LOXHD1: variants seen among roughly 807,000 people sequenced by gnomAD.
The protein encoded by LOXHD1 is lipoxygenase homology domain-containing protein 1.
Under a neutral mutation model 248.2 loss-of-function variants are expected in LOXHD1, and 205 were observed. That is an observed-to-expected ratio of 0.83 (90% CI 0.74 to 0.93). LOXHD1 has a LOEUF of 0.93. LOXHD1 is among the 40% of genes least tolerant of loss of function. The pLI is 0.00. For missense variants in LOXHD1, 2,930 were observed against 2,971.6 expected (o/e 0.99, Z 0.33); for synonymous variants, 1,113 against 1,162.8 (o/e 0.96, Z 0.87).
At chr18:46,513,383 A>G in intron 34 of LOXHD1, among the ~76,000 whole-genome samples, 1 of 152,216 alleles carries the variant, frequency 6.6e-6, no homozygotes, top group East Asian at 1.9e-4. Flanking sequence ...CTGTATGGTA[A>G]AAAGAAAAGG....
chr18:46,618,419 T>C (rs2038621167), intron 4 of LOXHD1, 129 bp from the exon 5 acceptor site: 2 of 651,634 alleles, frequency 3.1e-6, no homozygotes, highest in Admixed American at 5.2e-5. Context: ...TTACTGTCAA[T>C]AACAGAGCAA....
At position 46,618,252 on chromosome 18, in the gene LOXHD1, T is replaced by A. The variant is rs1301943442; in HGVS notation, c.550A>T (p.Ile184Phe). 6.4e-7 allele frequency: 1 copy of A among 1,551,360 alleles called. No individual in the cohort carries two copies. Among genetic ancestry groups the A allele is most frequent in the African/African-American group, 1.4e-5 (1 of 73,024 alleles). The change falls in exon 5 of 41, where the codon ATT (isoleucine) becomes TTT (phenylalanine). Residue 184 changes from isoleucine to phenylalanine, a missense_variant. Physicochemically the swap from Ile to Phe is conservative, Grantham distance 21. Coordinates refer to ENST00000642948, the MANE Select transcript of LOXHD1 (RefSeq NM_001384474.1). ...YEVKVYTGDV[I>F]GAGTDADVFI... Reference sequence around the variant, plus strand: ...ACATCAGCATCTGTCCCTGCACCAATTACATCACCAGTGTATACCTTGACT... The same window carrying A: ...ACATCAGCATCTGTCCCTGCACCAAATACATCACCAGTGTATACCTTGACT...
At chr18:46,655,867 A>T (rs1018960516) in intron 1 of LOXHD1, among the ~76,000 whole-genome samples, 1 of 152,212 alleles carries the variant, frequency 6.6e-6, no homozygotes, top group African/African-American at 2.4e-5. Context: ...TATGAATTGG[A>T]TGTAATCAGG....
At position 46,477,560 on chromosome 18, in the gene LOXHD1, C is replaced by T. The variant is rs1285739425; in HGVS notation, c.6734G>A (p.Gly2245Asp). 4 of 1,551,570 alleles carry T rather than the reference C, an allele frequency of 2.6e-6. No individual in the cohort carries two copies. The highest frequency in any genetic ancestry group is 3.5e-6 in the Non-Finnish European group (4 of 1,147,022). The change falls in exon 41 of 41, where the codon GGC becomes GAC. Residue 2245 changes from glycine to aspartate, a missense_variant. Physicochemically the swap from Gly to Asp is moderately conservative, Grantham distance 94. Coordinates refer to ENST00000642948, the MANE Select transcript of LOXHD1 (RefSeq NM_001384474.1). ...EKVEVTNTST[G>D]VATIFNCGRW... ...GCCACAGTTGAAGATGGTGGCCACG[C>T]CGGTGCTGGTGTTGGTGACCTCCAC...
chr18:46,582,085 T>C (rs558422377), intron 12 of LOXHD1, among the ~76,000 whole-genome samples: 3 of 152,190 alleles, frequency 2.0e-5, no homozygotes, highest in South Asian at 4.1e-4. Flanking sequence ...AATCACCTGA[T>C]AGATAGAATA....
chr18:46,613,707 T>A (rs1461208157), intron 5 of LOXHD1, among the ~76,000 whole-genome samples: 2 of 152,176 alleles, frequency 1.3e-5, no homozygotes, highest in Non-Finnish European at 2.9e-5. Context: ...GATAGCCTTA[T>A]ATTTTTCAAA....
intron 1 of LOXHD1, among the ~76,000 whole-genome samples, chr18:46,650,888 G>A (rs1464617356): frequency 6.6e-6 from 1 of 152,128 alleles, no homozygotes; most frequent in African/African-American, 2.4e-5. Context: ...TTTGAGCAAG[G>A]TGACCCTGGA....
chr18:46,526,008 C>G (rs1028930711), intron 29 of LOXHD1, among the ~76,000 whole-genome samples: 5 of 152,110 alleles, frequency 3.3e-5, no homozygotes, highest in African/African-American at 1.2e-4. Flanking sequence ...CCAGGCAGCT[C>G]AGGTAGGGAA....
In LOXHD1 at chr18:46,579,781, G is replaced by A. The variant is rs1432037515; in HGVS notation, c.1658C>T (p.Ala553Val). Residue 553 changes from alanine (A) to valine (V), a missense_variant, in exon 13 of 41, where the codon GCC (alanine) becomes GTC (valine). Ala to Val is a moderately conservative substitution (Grantham distance 64). Transcript: ENST00000642948. ...GPTVRRIMGM[A>V]RYHVTVCTGE... ...TGTGCACACAGTCACATGGTACCGG[G>A]CCACTGGCAGGCAGAGAGAGGGACA... is the stretch of plus-strand genomic sequence containing the variant. 1.2e-5 allele frequency: 18 copies of A among 1,551,204 alleles called. No homozygotes were observed. Among genetic ancestry groups the A allele is most frequent in the Non-Finnish European group, 1.6e-5 (18 of 1,146,548 alleles).
chr18:46,556,036 G>T (rs2037315522), intron 21 of LOXHD1, among the ~76,000 whole-genome samples: 1 of 151,106 alleles, frequency 6.6e-6, no homozygotes, highest in Admixed American at 6.6e-5. Context: ...TCTAAGGAAG[G>T]ATAATATTTT....
At chr18:46,506,359 A>G (rs1598870449) in intron 36 of LOXHD1, among the ~76,000 whole-genome samples, 1 of 152,208 alleles carries the variant, frequency 6.6e-6, no homozygotes, top group East Asian at 1.9e-4. Flanking sequence ...CAGTTTAGAA[A>G]CATAGGCTAC....
At chr18:46,588,200 G>A (rs2038097700) in intron 12 of LOXHD1, among the ~76,000 whole-genome samples, 1 of 151,938 alleles carries the variant, frequency 6.6e-6, no homozygotes, top group Admixed American at 6.6e-5. Flanking sequence ...TGAGGACATA[G>A]GGGTGTTCCA....
rs34276377 is a variant in LOXHD1, at chr18:46,630,770, T to TGG, written c.511+8844_511+8845dup. Reference sequence around the variant, plus strand: ...AAAAGGGACAACATCAAAGTGGGTATGGGGGGGGGTGTGAAATCAGTGGGT... The same window carrying TGG: ...AAAAGGGACAACATCAAAGTGGGTATGGGGGGGGGGGTGTGAAATCAGTGGGT... On this transcript the variant is annotated intron_variant, in intron 4 of 40. Transcript: ENST00000642948. Among the ~76,000 whole-genome samples the TGG allele has an allele frequency of 6.5e-3, 974 of 150,108 alleles. 11 individuals are homozygous for TGG. The highest frequency in any genetic ancestry group is 0.023 in the African/African-American group (943 of 40,446).
intron 19 of LOXHD1, 35 bp downstream of exon 19, chr18:46,560,048 T>TCCCAGCCC: frequency 8.2e-7 from 1 of 1,226,298 alleles, no homozygotes; most frequent in Non-Finnish European, 1.1e-6. Flanking sequence ...GTCTGGCCAC[T>TCCCAGCCC]CCCTCCCCAC....
intron 6 of LOXHD1, among the ~76,000 whole-genome samples, chr18:46,610,187 C>T (rs994187980): frequency 2.6e-5 from 4 of 152,214 alleles, no homozygotes; most frequent in East Asian, 1.9e-4. Context: ...GAACAGGCCC[C>T]GGCTAGGTTC....
chr18:46,486,172 C>T (rs796795302), intron 38 of LOXHD1, among the ~76,000 whole-genome samples: 17 of 152,234 alleles, frequency 1.1e-4, no homozygotes, highest in African/African-American at 3.9e-4. Context: ...GAACCAGCAC[C>T]CTGGAGGACA....
chr18:46,594,238 A>C (rs1204630416), intron 9 of LOXHD1, 93 bp downstream of exon 9: 2 of 1,475,836 alleles, frequency 1.4e-6, no homozygotes, highest in Non-Finnish European at 1.8e-6. Flanking sequence ...GCAGGAGTGG[A>C]CTGCCCTCAT....
At chr18:46,616,831 TCTAA>T (rs552584854) in intron 5 of LOXHD1, among the ~76,000 whole-genome samples, 12 of 152,348 alleles carry the variant, frequency 7.9e-5, no homozygotes, top group African/African-American at 1.9e-4. Flanking sequence ...TTGCTATCAA[TCTAA>T]CTATTGTTTT....
rs901918153 is a variant in LOXHD1, at chr18:46,552,784, G to A, written c.3350+4572C>T. Among the ~76,000 whole-genome samples, 3 of 152,252 alleles carry A rather than the reference G, an allele frequency of 2.0e-5. No homozygotes were observed. In the East Asian group the frequency reaches 5.8e-4, roughly 29 times the overall value. ...TTTCAAGCTCCTCAGCATGGCTTTG[G>A]ATGCCCTCATCTGCTCCTCTCCAGC... On this transcript the variant is annotated intron_variant, in intron 21 of 40. Coordinates refer to ENST00000642948, the MANE Select transcript of LOXHD1 (RefSeq NM_001384474.1).
Sources: gnomAD v4.1 joint callset for allele counts (sites outside exome capture counted in the v4.1 genomes callset) on GRCh38, gnomAD v4.1.1 for gene constraint, MANE v1.5 for transcripts, NCBI Gene and HGNC (gene_info 2026-07-23, HGNC 2026-07-21) for gene names.